Variants in PEAK1 observed in about 807,000 individuals in gnomAD.
PEAK1 encodes the protein pseudopodium enriched atypical kinase 1.
A neutral mutation model predicts 124.7 loss-of-function variants in PEAK1; 54 were observed. The observed-to-expected ratio is 0.43, with a 90% CI of 0.35 to 0.54. The LOEUF (loss-of-function observed/expected upper bound fraction) is 0.54, where lower values mean the gene tolerates loss of function less well. Among genes scored for constraint, PEAK1 ranks in the 20% least tolerant of loss-of-function variants. The pLI, the probability that PEAK1 is intolerant of heterozygous loss-of-function variation, is 0.01. For synonymous variants in PEAK1, 719 were observed against 760.0 expected (o/e 0.95, Z 0.89); for missense variants, 2,046 against 2,134.5 (o/e 0.96, Z 0.82).
intron 2 of PEAK1, chr15:77,334,210 A>T: frequency 1.0e-6 from 1 of 983,398 alleles, no homozygotes; most frequent in African/African-American, 1.7e-5. Flanking sequence ...GTACATTTAG[A>T]CGTAACTAAC....
At chr15:77,290,970 A>G (rs772873350) in intron 2 of PEAK1, among the ~76,000 whole-genome samples, 2 of 152,200 alleles carry the variant, frequency 1.3e-5, no homozygotes, top group Non-Finnish European at 2.9e-5. Context: ...GCGTTTAACT[A>G]TATAGCCATA....
intron 2 of PEAK1, chr15:77,337,280 C>CA: frequency 1.0e-6 from 1 of 984,744 alleles, no homozygotes; most frequent in Non-Finnish European, 1.2e-6. Context: ...CTAAGTATGC[C>CA]AAGACAAGAA....
At chr15:77,220,436 G>A (rs1297354016) in intron 6 of PEAK1, among the ~76,000 whole-genome samples, 8 of 149,454 alleles carry the variant, frequency 5.4e-5, no homozygotes, top group Non-Finnish European at 1.2e-4. Flanking sequence ...ATAGGTATAT[G>A]AGAAATTACC....
intron 9 of PEAK1, among the ~76,000 whole-genome samples, chr15:77,117,885 C>A (rs1350956307): frequency 6.6e-6 from 1 of 152,172 alleles, no homozygotes; most frequent in Non-Finnish European, 1.5e-5. Flanking sequence ...TATATCTAGA[C>A]ATTCACACAG....
chr15:77,295,086 C>T (rs531862862), intron 2 of PEAK1, among the ~76,000 whole-genome samples: 3 of 152,236 alleles, frequency 2.0e-5, no homozygotes, highest in African/African-American at 7.2e-5. Flanking sequence ...ACAGTAGAAG[C>T]ATTGAATATT....
intron 2 of PEAK1, chr15:77,332,117 C>A (rs1218271393): frequency 1.2e-6 from 1 of 823,308 alleles, no homozygotes; most frequent in African/African-American, 1.9e-5. Flanking sequence ...CAGCAAGACT[C>A]CATCTCAAAA....
chr15:77,152,251 T>C (rs1451010823), intron 8 of PEAK1, among the ~76,000 whole-genome samples: 1 of 152,194 alleles, frequency 6.6e-6, no homozygotes, highest in Non-Finnish European at 1.5e-5. Flanking sequence ...TTTGAAGCAA[T>C]TGTGAATGGG....
At chr15:77,217,321 A>C (rs1390748800) in intron 6 of PEAK1, among the ~76,000 whole-genome samples, 1 of 152,102 alleles carries the variant, frequency 6.6e-6, no homozygotes, top group East Asian at 1.9e-4. Context: ...CATTCAAAGC[A>C]AAAGTGGGCT....
intron 9 of PEAK1, among the ~76,000 whole-genome samples, chr15:77,122,405 G>A (rs1450094915): frequency 1.3e-5 from 2 of 152,152 alleles, no homozygotes; most frequent in Non-Finnish European, 2.9e-5. Flanking sequence ...TTGTGTTCCT[G>A]AGCCAGTAAT....
intron 1 of PEAK1, among the ~76,000 whole-genome samples, chr15:77,377,202 G>C (rs2069099552): frequency 1.3e-5 from 2 of 152,074 alleles, no homozygotes; most frequent in Admixed American, 6.6e-5. Context: ...GGCAACATAA[G>C]GAGACCCCAT....
intron 6 of PEAK1, among the ~76,000 whole-genome samples, chr15:77,236,008 GTACAGAAACACTCGGATA>G (rs2060105442): frequency 6.6e-6 from 1 of 152,264 alleles, no homozygotes; most frequent in African/African-American, 2.4e-5. Context: ...TTCAGAGGAT[GTACAGAAACACTCGGATA>G]TCCAGGCAGA....
At position 77,179,349 on chromosome 15, in the gene PEAK1, T is replaced by C; in HGVS notation, c.2578A>G (p.Thr860Ala). 1.2e-6 allele frequency: 2 copies of C among 1,613,878 alleles called. No individual in the cohort carries two copies. Among genetic ancestry groups the C allele is most frequent in the Non-Finnish European group, 1.7e-6 (2 of 1,179,948 alleles). The change falls in exon 7 of 10, where the codon ACT becomes GCT. Residue 860 changes from threonine (T) to alanine (A), a missense_variant. By Grantham distance (58) the Thr-to-Ala change is moderately conservative. Transcript: ENST00000682557. ...GCTGGTGGCTCACTTTGGGGGCTAG[T>C]CACTAATTTGGAGGGAGAGGGGGTG... The part of the protein sequence containing the change: ...PVTPSPSKLV[T>A]SPQSEPPAPF...
At chr15:77,152,371 G>C (rs1452745614) in intron 8 of PEAK1, among the ~76,000 whole-genome samples, 1 of 151,950 alleles carries the variant, frequency 6.6e-6, no homozygotes, top group African/African-American at 2.4e-5. Context: ...TTGCTTATCA[G>C]CTTAAGGAGA....
At chr15:77,408,903 CA>C (rs1353786614) in intron 1 of PEAK1, among the ~76,000 whole-genome samples, 2 of 151,944 alleles carry the variant, frequency 1.3e-5, no homozygotes, top group African/African-American at 2.4e-5. Flanking sequence ...AAACTGTCTC[CA>C]AAAAATAATT....
intron 6 of PEAK1, among the ~76,000 whole-genome samples, chr15:77,195,540 A>G (rs915304888): frequency 6.6e-6 from 1 of 152,232 alleles, no homozygotes; most frequent in African/African-American, 2.4e-5. Flanking sequence ...ATTCAGAAAA[A>G]GGACAGCTCT....
At chr15:77,381,425 C>G in intron 1 of PEAK1, 1 of 925,328 alleles carries the variant, frequency 1.1e-6, no homozygotes, top group Non-Finnish European at 1.3e-6. Context: ...GACCCTGTCT[C>G]TTAAAAAAAA....
chr15:77,303,952 CA>C (rs2063926492), intron 2 of PEAK1, among the ~76,000 whole-genome samples: 2 of 152,278 alleles, frequency 1.3e-5, no homozygotes, highest in South Asian at 4.2e-4. Flanking sequence ...ATTGTTCCAG[CA>C]CCATTTATTG....
chr15:77,115,778 C>T (rs908784466), intron 9 of PEAK1, among the ~76,000 whole-genome samples: 3 of 152,148 alleles, frequency 2.0e-5, no homozygotes, highest in African/African-American at 7.2e-5. Flanking sequence ...GACCAAAATA[C>T]CTTATTTCAT....
intron 7 of PEAK1, among the ~76,000 whole-genome samples, chr15:77,160,512 C>T (rs986779338): frequency 3.3e-5 from 5 of 151,348 alleles, no homozygotes; most frequent in Non-Finnish European, 4.4e-5. Flanking sequence ...CCTGTCTCTA[C>T]TAAAAACACA....
Sources: gnomAD v4.1 joint callset for allele counts (sites outside exome capture counted in the v4.1 genomes callset) on GRCh38, gnomAD v4.1.1 for gene constraint, MANE v1.5 for transcripts, NCBI Gene and HGNC (gene_info 2026-07-23, HGNC 2026-07-21) for gene names.